Variants in MMD observed in about 807,000 individuals in gnomAD.
MMD encodes monocyte to macrophage differentiation factor.
In MMD, 22 loss-of-function variants were observed where a neutral mutation model predicts 33.6. The observed-to-expected ratio is 0.66, with a 90% confidence interval of 0.47 to 0.94. The LOEUF is 0.94. Ranked by LOEUF, MMD falls within the 40% of genes least tolerant of loss-of-function variation. The probability of loss-of-function intolerance (pLI) is 0.00; values close to 1 mark genes in which losing one functional copy is unlikely to be tolerated. For synonymous variants in MMD, 97 were observed against 103.2 expected (o/e 0.94, Z 0.36); for missense variants, 242 against 309.8 (o/e 0.78, Z 1.64).
intron 1 of MMD, among the ~76,000 whole-genome samples, chr17:55,419,870 C>T (rs1383610833): frequency 6.6e-6 from 1 of 152,088 alleles, no homozygotes; most frequent in Non-Finnish European, 1.5e-5. Context: ...GTCTATGCCA[C>T]ACCAAAAGAA....
intron 4 of MMD, among the ~76,000 whole-genome samples, chr17:55,406,180 A>G (rs1907536705): frequency 6.6e-6 from 1 of 151,672 alleles, no homozygotes; most frequent in East Asian, 2.0e-4. Flanking sequence ...AGATCACTTG[A>G]GGTCAGGAGT....
Position 55,420,243 on chromosome 17 carries a change from A to C in MMD, c.26+1427T>G, listed in dbSNP as rs181373362. 5.9e-5 allele frequency: 9 copies of C among 152,306 alleles called. No individual in the cohort carries two copies. The East Asian group carries it at 1.7e-3, about 29-fold the overall frequency. The allele number at this position is 152,306 out of a possible 1,614,324, so 9.4% of individuals were successfully genotyped here. On this transcript the variant is annotated intron_variant, in intron 1 of 6. Coordinates refer to ENST00000262065, the MANE Select transcript of MMD (RefSeq NM_012329.3). ...GAGAAGTAAAACCAAATCAAACCGCATGCACAGGGCTTCACTGATCATGAC... is the reference window on the plus strand; with the variant it reads ...GAGAAGTAAAACCAAATCAAACCGCCTGCACAGGGCTTCACTGATCATGAC...
At chr17:55,397,413 G>A (rs1193388009) in intron 6 of MMD, among the ~76,000 whole-genome samples, 13 of 152,048 alleles carry the variant, frequency 8.5e-5, no homozygotes, top group African/African-American at 3.1e-4. Flanking sequence ...TGCCTGCCTT[G>A]GCCTCCCTGG....
intron 2 of MMD, among the ~76,000 whole-genome samples, chr17:55,413,400 C>T (rs376611590): frequency 1.4e-4 from 21 of 152,128 alleles, no homozygotes; most frequent in African/African-American, 5.1e-4. Context: ...CCATTAATGT[C>T]ACATTAACAG....
chr17:55,404,608 A>C, intron 4 of MMD: 4 of 985,354 alleles, frequency 4.1e-6, no homozygotes, highest in African/African-American at 1.7e-5. Flanking sequence ...ACACAAACCA[A>C]GTGTGTCTCC....
intron 6 of MMD, 101 bp downstream of exon 6, chr17:55,401,368 G>A (rs1051132301): frequency 3.9e-6 from 4 of 1,013,030 alleles, no homozygotes; most frequent in African/African-American, 3.3e-5. Context: ...TCTATTTAAT[G>A]GACATAACTT....
Position 55,401,535 on chromosome 17 carries a change from A to C in MMD, c.450T>G (p.Tyr150Ter), listed in dbSNP as rs781487848. The part of the protein sequence containing the change: ...TIYVFLYHEK[Y>*]KVVELFFYLT... ...GATAGAAAAAGAGTTCAACCACCTT[A>C]TATCTGCAGGAACAAAAATGCAGTT... The change falls in exon 6 of 7, where the codon TAT becomes TAG. Residue 150 changes from tyrosine (Y) to a stop codon, truncating the protein, a stop_gained. Coordinates refer to ENST00000262065, the MANE Select transcript of MMD (RefSeq NM_012329.3). LOFTEE classifies it high-confidence loss of function. 1.2e-6 allele frequency: 2 copies of C among 1,608,312 alleles called. No individual in the cohort carries two copies. Among genetic ancestry groups the C allele is most frequent in the East Asian group, 2.2e-5 (1 of 44,776 alleles).
At chr17:55,399,959 A>C (rs1675821825) in intron 6 of MMD, among the ~76,000 whole-genome samples, 1 of 152,070 alleles carries the variant, frequency 6.6e-6, no homozygotes, top group South Asian at 2.1e-4. Context: ...AGCTGCACAA[A>C]CCTTGCTTAT....
At chr17:55,403,049 C>T (rs1248606958) in intron 5 of MMD, among the ~76,000 whole-genome samples, 1 of 152,106 alleles carries the variant, frequency 6.6e-6, no homozygotes, top group East Asian at 1.9e-4. Context: ...TTCAAACATA[C>T]AGGGTAATAA....
chr17:55,421,752 G>A lies in MMD; in HGVS notation c.-57C>T. The A allele has an allele frequency of 2.6e-6, 4 of 1,555,430 alleles. No individual in the cohort carries two copies. The highest frequency in any genetic ancestry group is 2.4e-5 in the East Asian group (1 of 41,412). ...CTCCGTCTCGTCAGCACCGGCGGCC[G>A]GGCGCGCGGCCCTCATGGGCTTGGG... On this transcript the variant is annotated 5_prime_UTR_variant, in exon 1 of 7. Coordinates refer to ENST00000262065, the MANE Select transcript of MMD (RefSeq NM_012329.3).
chr17:55,410,011 C>G (rs1907702983), intron 3 of MMD, among the ~76,000 whole-genome samples: 1 of 152,072 alleles, frequency 6.6e-6, no homozygotes, highest in African/African-American at 2.4e-5. Context: ...GAAACTGTCA[C>G]CTTACAGGAA....
intron 5 of MMD, among the ~76,000 whole-genome samples, chr17:55,402,135 C>T (rs1490639243): frequency 6.6e-6 from 1 of 151,288 alleles, no homozygotes; most frequent in Non-Finnish European, 1.5e-5. Flanking sequence ...ATGTTTTCTG[C>T]CAAAAGTAGT....
At chr17:55,409,305 T>C (rs1181177448) in intron 3 of MMD, among the ~76,000 whole-genome samples, 1 of 152,086 alleles carries the variant, frequency 6.6e-6, no homozygotes, top group Admixed American at 6.6e-5. Context: ...AGATAGAGGG[T>C]GGAGGAAGGA....
Position 55,421,744 on chromosome 17 carries a change from C to G in MMD, c.-49G>C. The G allele has an allele frequency of 2.6e-6, 4 of 1,560,460 alleles. No individual in the cohort carries two copies. Among genetic ancestry groups the G allele is most frequent in the Non-Finnish European group, 3.5e-6 (4 of 1,157,426 alleles). ...GCCAGGAGCTCCGTCTCGTCAGCAC[C>G]GGCGGCCGGGCGCGCGGCCCTCATG... On this transcript the variant is annotated 5_prime_UTR_variant, in exon 1 of 7. Transcript: ENST00000262065.
chr17:55,409,064 T>TA (rs751143140), intron 3 of MMD, among the ~76,000 whole-genome samples: 12 of 151,294 alleles, frequency 7.9e-5, no homozygotes, highest in Middle Eastern at 3.4e-3. Context: ...AAATTAAAAA[T>TA]AAAAAAAAAG....
intron 6 of MMD, among the ~76,000 whole-genome samples, chr17:55,397,272 C>T (rs772792219): frequency 1.3e-5 from 2 of 151,772 alleles, no homozygotes; most frequent in African/African-American, 4.8e-5. Context: ...AGTGATTCTC[C>T]TGCCTCAGCC....
chr17:55,421,543 C>T (rs553361055), intron 1 of MMD, 127 bp downstream of exon 1: 5 of 1,358,612 alleles, frequency 3.7e-6, no homozygotes, highest in Admixed American at 2.1e-5. Context: ...GGAACTGATC[C>T]CTGGCCAAGG....
At chr17:55,421,542 C>G in intron 1 of MMD, 128 bp downstream of exon 1, 1 of 1,347,346 alleles carries the variant, frequency 7.4e-7, no homozygotes, top group South Asian at 1.2e-5. Context: ...GGGAACTGAT[C>G]CCTGGCCAAG....
chr17:55,397,337 T>C (rs1907139892), intron 6 of MMD, among the ~76,000 whole-genome samples: 1 of 151,960 alleles, frequency 6.6e-6, no homozygotes, highest in Admixed American at 6.6e-5. Flanking sequence ...AATTTTTGTA[T>C]TTTTAGTAGA....
Sources: allele counts gnomAD v4.1 joint callset (sites outside exome capture counted in the v4.1 genomes callset), GRCh38; gene constraint gnomAD v4.1.1; transcripts MANE v1.5; gene names NCBI Gene and HGNC (gene_info 2026-07-23, HGNC 2026-07-21).